The following LURAP1L variants were observed in gnomAD, a reference collection of about 807,000 sequenced individuals.
The protein encoded by LURAP1L is leucine rich adaptor protein 1-like.
A neutral mutation model predicts 13.8 loss-of-function variants in LURAP1L; 12 were observed. The ratio of observed to expected loss-of-function variants is 0.87; its 90% confidence interval spans 0.56 to 1.41. The LOEUF is 1.41. LURAP1L is among the 40% of genes most tolerant of loss of function. LURAP1L has a pLI of 0.00. For synonymous variants in LURAP1L, 139 were observed against 119.2 expected (o/e 1.17, Z -1.08); for missense variants, 375 against 292.9 (o/e 1.28, Z -2.04).
intron 1 of LURAP1L, among the ~76,000 whole-genome samples, chr9:12,793,547 G>C (rs1819472791): frequency 6.6e-6 from 1 of 151,994 alleles, no homozygotes. Flanking sequence ...ATACAAGTGG[G>C]ATTATAAGAG....
chr9:12,792,267 C>G (rs762349639), intron 1 of LURAP1L, among the ~76,000 whole-genome samples: 4 of 152,042 alleles, frequency 2.6e-5, no homozygotes, highest in Non-Finnish European at 2.9e-5. Context: ...AGCAAGAATT[C>G]TGAGAACCAG....
intron 1 of LURAP1L, among the ~76,000 whole-genome samples, chr9:12,817,358 C>T (rs1315460914): frequency 6.6e-6 from 1 of 152,144 alleles, no homozygotes; most frequent in Non-Finnish European, 1.5e-5. Flanking sequence ...AGATACTCTT[C>T]CAGGTTTTGG....
intron 1 of LURAP1L, among the ~76,000 whole-genome samples, chr9:12,820,680 A>G (rs1443147778): frequency 6.6e-6 from 1 of 152,110 alleles, no homozygotes; most frequent in Non-Finnish European, 1.5e-5. Context: ...GGATCAGCCT[A>G]GTGTATCACC....
At chr9:12,797,419 T>A (rs1178311592) in intron 1 of LURAP1L, among the ~76,000 whole-genome samples, 1 of 152,146 alleles carries the variant, frequency 6.6e-6, no homozygotes, top group African/African-American at 2.4e-5. Flanking sequence ...GTTTTAGCTG[T>A]CTAAAAACTT....
intron 1 of LURAP1L, among the ~76,000 whole-genome samples, chr9:12,816,314 C>T (rs1262060911): frequency 6.6e-6 from 1 of 152,180 alleles, no homozygotes; most frequent in Non-Finnish European, 1.5e-5. Context: ...CACAGAACTA[C>T]TTTACCACCT....
intron 1 of LURAP1L, among the ~76,000 whole-genome samples, chr9:12,794,042 C>A (rs1415102726): frequency 2.0e-5 from 3 of 151,978 alleles, no homozygotes; most frequent in Non-Finnish European, 4.4e-5. Context: ...AAACCATTAA[C>A]CATTAATTAA....
chr9:12,791,553 CAA>C (rs1437660738), intron 1 of LURAP1L, among the ~76,000 whole-genome samples: 1 of 151,750 alleles, frequency 6.6e-6, no homozygotes, highest in Non-Finnish European at 1.5e-5. Flanking sequence ...GTAAAAATTG[CAA>C]AAGAGTACCA....
intron 1 of LURAP1L, among the ~76,000 whole-genome samples, chr9:12,792,869 G>C (rs1262230416): frequency 6.6e-6 from 1 of 151,958 alleles, no homozygotes; most frequent in Non-Finnish European, 1.5e-5. Context: ...ATTTGATTTT[G>C]TGTTTGCTTT....
intron 1 of LURAP1L, among the ~76,000 whole-genome samples, chr9:12,784,732 G>C (rs138838544): frequency 6.7e-6 from 1 of 149,580 alleles, no homozygotes; most frequent in Non-Finnish European, 1.5e-5. Flanking sequence ...GGGCTCTTTA[G>C]TCAGCAGGTG....
intron 1 of LURAP1L, among the ~76,000 whole-genome samples, chr9:12,805,622 A>G (rs1337184610): frequency 1.3e-5 from 2 of 152,204 alleles, no homozygotes; most frequent in African/African-American, 2.4e-5. Flanking sequence ...TCTGTCTTCT[A>G]CCACTCAACA....
intron 1 of LURAP1L, among the ~76,000 whole-genome samples, chr9:12,778,582 G>T (rs1819224308): frequency 6.6e-6 from 1 of 152,110 alleles, no homozygotes. Flanking sequence ...ACTGATGAAG[G>T]CCTAGATATC....
chr9:12,821,649 C>A lies in LURAP1L; in HGVS notation c.576C>A (p.Gly192=), dbSNP rs201530825. 2.5e-6 allele frequency: 4 copies of A among 1,614,140 alleles called. No individual in the cohort carries two copies. The highest frequency in any genetic ancestry group is 1.7e-6 in the Non-Finnish European group (2 of 1,180,034). The change falls in exon 2 of 2, where the codon GGC becomes GGA. Residue 192 remains glycine, a synonymous_variant. Coordinates refer to ENST00000319264, the MANE Select transcript of LURAP1L (RefSeq NM_203403.2). ...ACACGTTGGCGGATGATGTCCCAGG[C>A]CATCAGACCCCTTCAGACTTGGACC... ...YLDTLADDVP[G]HQTPSDLDQF... is the part of the protein sequence containing the mutation.
At position 12,810,012 on chromosome 9, in the gene LURAP1L, G is replaced by A. The variant is rs546090729; in HGVS notation, c.313-11374G>A. Among the ~76,000 whole-genome samples the A allele has an allele frequency of 5.3e-5, 8 of 152,284 alleles. No homozygotes were observed. The South Asian group carries it at 8.3e-4, about 16-fold the overall frequency. ...CATAATTAAGTCTCAGTCTTTTAGC[G>A]AGCCTGAGTTGGATATTTTGTTGAT... On this transcript the variant is annotated intron_variant, in intron 1 of 1. Transcript: ENST00000319264.
intron 1 of LURAP1L, among the ~76,000 whole-genome samples, chr9:12,807,485 C>T (rs1819676153): frequency 6.6e-6 from 1 of 152,192 alleles, no homozygotes; most frequent in Admixed American, 6.5e-5. Context: ...GGCTCTGCCA[C>T]TTAAAATCTG....
In LURAP1L at chr9:12,822,903, T is replaced by C. The variant is rs1819900834; in HGVS notation, c.*1143T>C. On this transcript the variant is annotated 3_prime_UTR_variant, in exon 2 of 2. Coordinates refer to ENST00000319264, the MANE Select transcript of LURAP1L (RefSeq NM_203403.2). ...TGATAAATGTTTCCGGACTAAACAC[T>C]CTATAATACAAATCAAAAAATCTTC... Among the ~76,000 whole-genome samples, 2 of 152,230 alleles carry C rather than the reference T, an allele frequency of 1.3e-5. No homozygotes were observed. The highest frequency in any genetic ancestry group is 1.3e-4 in the Admixed American group (2 of 15,282).
At chr9:12,796,176 C>G (rs767355358) in intron 1 of LURAP1L, among the ~76,000 whole-genome samples, 1 of 151,680 alleles carries the variant, frequency 6.6e-6, no homozygotes, top group Non-Finnish European at 1.5e-5. Context: ...TTATATAATT[C>G]TGTATGTTCA....
chr9:12,804,345 G>C (rs1279446488), intron 1 of LURAP1L, among the ~76,000 whole-genome samples: 1 of 78,900 alleles, frequency 1.3e-5, no homozygotes, highest in African/African-American at 5.7e-5. Context: ...TTTGTTATCT[G>C]ATTTTTTTTT....
intron 1 of LURAP1L, among the ~76,000 whole-genome samples, chr9:12,784,903 G>A (rs1238141251): frequency 1.3e-5 from 2 of 151,768 alleles, no homozygotes; most frequent in Non-Finnish European, 1.5e-5. Flanking sequence ...AAGCTACTTG[G>A]TAGCTGAGCT....
At chr9:12,810,129 G>T (rs1367484199) in intron 1 of LURAP1L, among the ~76,000 whole-genome samples, 1 of 152,180 alleles carries the variant, frequency 6.6e-6, no homozygotes, top group Non-Finnish European at 1.5e-5. Context: ...AGGTCTGGAT[G>T]TATTTCAGAG....
Sources: allele counts gnomAD v4.1 joint callset (sites outside exome capture counted in the v4.1 genomes callset), GRCh38; gene constraint gnomAD v4.1.1; transcripts MANE v1.5; gene names NCBI Gene and HGNC (gene_info 2026-07-23, HGNC 2026-07-21).